Variants in CHD9 observed in about 807,000 individuals in gnomAD.
The protein encoded by CHD9 is chromodomain helicase DNA binding protein 9.
CHD9 carries 77 observed loss-of-function variants against 316.1 expected under a neutral mutation model. That is an observed-to-expected ratio of 0.24 (90% CI 0.20 to 0.29). The LOEUF is 0.29. CHD9 is among the 10% of genes least tolerant of loss of function. The probability of loss-of-function intolerance (pLI) is 1.00; values close to 1 mark genes in which losing one functional copy is unlikely to be tolerated. For synonymous variants in CHD9, 1,129 were observed against 1,158.3 expected (o/e 0.97, Z 0.51); for missense variants, 2,763 against 3,438.1 (o/e 0.80, Z 4.91).
chr16:53,318,483 G>A (rs2057040613), intron 37 of CHD9, 143 bp downstream of exon 37: 2 of 644,500 alleles, frequency 3.1e-6, no homozygotes, highest in South Asian at 2.4e-5. Context: ...AAGACATGCA[G>A]TATAATTTTA....
chr16:53,120,586 C>A (rs1415254815), intron 1 of CHD9, among the ~76,000 whole-genome samples: 3 of 152,156 alleles, frequency 2.0e-5, no homozygotes, highest in Admixed American at 1.3e-4. Context: ...GCACTCCAGC[C>A]TGGGCAACAA....
intron 1 of CHD9, among the ~76,000 whole-genome samples, chr16:53,153,616 TCTCTCAGGCTCAAG>T (rs1387673036): frequency 6.6e-6 from 1 of 152,026 alleles, no homozygotes; most frequent in African/African-American, 2.4e-5. Context: ...GCAGCCTCAA[TCTCTCAGGCTCAAG>T]CGATCCTCCC....
chr16:53,209,857 T>C, intron 3 of CHD9, 44 bp downstream of exon 3: 1 of 1,345,214 alleles, frequency 7.4e-7, no homozygotes. Context: ...CAATGTTCTG[T>C]TAAAGTTCAA....
chr16:53,270,525 G>C (rs2052145797), intron 22 of CHD9, among the ~76,000 whole-genome samples: 1 of 152,050 alleles, frequency 6.6e-6, no homozygotes. Flanking sequence ...TGAATGAAAT[G>C]ATTGATTTAT....
Position 53,324,568 on chromosome 16 carries a change from C to T in CHD9, c.8367C>T (p.Asn2789=). The change falls in exon 39 of 39, where the codon AAC becomes AAT. Residue 2789 remains asparagine, a synonymous_variant. Coordinates refer to ENST00000447540, the MANE Select transcript of CHD9 (RefSeq NM_001308319.2). The part of the protein sequence containing the change: ...TAALNTAAAA[N]PLALNPLLLS... The stretch of plus-strand genomic sequence containing the variant: ...CATTAAATACAGCTGCAGCTGCCAA[C>T]CCATTAGCTCTTAACCCACTATTAC... The T allele has an allele frequency of 6.2e-7, 1 of 1,613,652 alleles. No individual in the cohort carries two copies. The highest frequency in any genetic ancestry group is 8.5e-7 in the Non-Finnish European group (1 of 1,179,714).
chr16:53,131,420 G>A (rs2039297478), intron 1 of CHD9: 1 of 143,720 alleles, frequency 7.0e-6, no homozygotes, highest in African/African-American at 2.5e-5. Context: ...GGCCGGGGTC[G>A]GGCGGGCGGG....
Position 53,209,643 on chromosome 16 carries a change from G to C in CHD9, c.1614G>C (p.Lys538Asn). 1 of 1,613,834 alleles carries C rather than the reference G, an allele frequency of 6.2e-7. No homozygotes were observed. Among genetic ancestry groups the C allele is most frequent in the Non-Finnish European group, 8.5e-7 (1 of 1,179,818 alleles). Residue 538 changes from lysine to asparagine, a missense_variant, in exon 3 of 39, where the codon AAG becomes AAC. Physicochemically the swap from Lys to Asn is moderately conservative, Grantham distance 94. Around this residue, in one of 15 missense-constraint regions of CHD9, gnomAD observed 859 missense variants for 890.4 expected, o/e 0.96. Coordinates refer to ENST00000447540, the MANE Select transcript of CHD9 (RefSeq NM_001308319.2). ...RIISEAIAKA[K>N]ERGERNIPRV... The stretch of plus-strand genomic sequence containing the variant: ...TATCAGAGGCCATAGCAAAAGCAAA[G>C]GAGCGTGGGGAACGCAATATTCCAC...
intron 3 of CHD9, among the ~76,000 whole-genome samples, chr16:53,213,041 G>T (rs764653334): frequency 6.6e-6 from 1 of 152,124 alleles, no homozygotes; most frequent in Non-Finnish European, 1.5e-5. Context: ...AGCTACCTCA[G>T]TTCTCTTTCC....
intron 1 of CHD9, among the ~76,000 whole-genome samples, chr16:53,101,273 C>CTTTTTTTT (rs1012377760): frequency 8.8e-5 from 11 of 124,854 alleles, no homozygotes; most frequent in Admixed American, 1.7e-4. Flanking sequence ...TTTTCCTTTT[C>CTTTTTTTT]TTTTTTTTTT....
At chr16:53,130,396 G>A (rs2039171279) in intron 1 of CHD9, among the ~76,000 whole-genome samples, 1 of 151,800 alleles carries the variant, frequency 6.6e-6, no homozygotes. Context: ...TGCCCTGCAT[G>A]TGAGTGACCT....
Position 53,255,723 on chromosome 16 carries a change from C to T in CHD9, c.4153C>T (p.Arg1385Cys), listed in dbSNP as rs754250427. The T allele has an allele frequency of 1.2e-5, 19 of 1,613,764 alleles. No individual in the cohort carries two copies. The East Asian group carries it at 2.2e-4, about 19-fold the overall frequency. Reference sequence around the variant, plus strand: ...AGAGGATATCGATCAGATTTTACTACGTCGTACAAAAACTATTACAATTGA... The same window carrying T: ...AGAGGATATCGATCAGATTTTACTATGTCGTACAAAAACTATTACAATTGA... ...CEEDIDQILL[R>C]RTKTITIESE... The change falls in exon 19 of 39, where the codon CGT becomes TGT. Residue 1385 changes from arginine to cysteine, a missense_variant. Physicochemically the swap from Arg to Cys is radical, Grantham distance 180. This residue lies in a region of CHD9 where 199 missense variants were observed against 251.7 expected (regional missense o/e 0.79). Transcript: ENST00000447540.
chr16:53,192,833 C>A (rs965517969), intron 2 of CHD9, among the ~76,000 whole-genome samples: 6 of 152,104 alleles, frequency 3.9e-5, no homozygotes, highest in African/African-American at 7.2e-5. Context: ...GAGTTATATT[C>A]CATTATATAA....
chr16:53,149,172 A>G (rs1003683508), intron 1 of CHD9, among the ~76,000 whole-genome samples: 1 of 152,196 alleles, frequency 6.6e-6, no homozygotes, highest in Non-Finnish European at 1.5e-5. Context: ...TTTGTGGCCT[A>G]CCATATGGCC....
At chr16:53,228,790 C>G (rs1377010244) in intron 7 of CHD9, among the ~76,000 whole-genome samples, 193 bp from the exon 8 acceptor site, 1 of 152,082 alleles carries the variant, frequency 6.6e-6, no homozygotes, top group African/African-American at 2.4e-5. Flanking sequence ...TACCTTTAGA[C>G]TACGACCTCC....
At chr16:53,283,631 T>C (rs1243463725) in intron 24 of CHD9, among the ~76,000 whole-genome samples, 3 of 152,224 alleles carry the variant, frequency 2.0e-5, no homozygotes, top group Admixed American at 6.5e-5. Flanking sequence ...GGGCTAATGC[T>C]TTGTTTAATC....
At chr16:53,150,463 A>C (rs934325652) in intron 1 of CHD9, among the ~76,000 whole-genome samples, 2 of 152,174 alleles carry the variant, frequency 1.3e-5, no homozygotes, top group African/African-American at 4.8e-5. Context: ...CAGAAATTTA[A>C]ATGGGTTATC....
rs190600422 is a variant in CHD9, at chr16:53,066,379, G to A, written c.-165+11302G>A. ...GTTATGCTTAACTAAAGAGTTAGGA[G>A]TCAGTATTTTGAAGCAAGCAGACCT... On this transcript the variant is annotated intron_variant, in intron 1 of 38. Transcript: ENST00000447540. 1.1e-4 allele frequency among the ~76,000 whole-genome samples: 16 copies of A among 152,304 alleles called. No individual in the cohort carries two copies. The East Asian group carries it at 2.7e-3, about 26-fold the overall frequency.
At chr16:53,090,832 A>T (rs2035870916) in intron 1 of CHD9, among the ~76,000 whole-genome samples, 2 of 152,218 alleles carry the variant, frequency 1.3e-5, no homozygotes, top group South Asian at 4.1e-4. Context: ...ACCCCACCCC[A>T]ACCCCCATGC....
chr16:53,088,995 C>G (rs1326079384), intron 1 of CHD9, among the ~76,000 whole-genome samples: 2 of 152,056 alleles, frequency 1.3e-5, no homozygotes, highest in African/African-American at 2.4e-5. Flanking sequence ...GCCTGTAGTC[C>G]CAGCTACTCA....
Sources: gnomAD v4.1 joint callset for allele counts (sites outside exome capture counted in the v4.1 genomes callset) on GRCh38, gnomAD v4.1.1 for gene constraint, gnomAD v4.1.1 regional missense constraint, MANE v1.5 for transcripts, NCBI Gene and HGNC (gene_info 2026-07-23, HGNC 2026-07-21) for gene names.